The following SMARCC1 variants were observed in gnomAD, a reference collection of about 807,000 sequenced individuals.
The protein encoded by SMARCC1 is SWI/SNF related BAF chromatin remodeling complex subunit C1.
A neutral mutation model predicts 147.4 loss-of-function variants in SMARCC1; 43 were observed. That is an observed-to-expected ratio of 0.29 (90% confidence interval 0.23 to 0.38). The LOEUF (loss-of-function observed/expected upper bound fraction) is 0.38, where lower values mean the gene tolerates loss of function less well. SMARCC1 is among the 10% of genes least tolerant of loss of function. SMARCC1 has a pLI of 1.00. For synonymous variants in SMARCC1, 495 were observed against 484.4 expected (o/e 1.02, Z -0.29); for missense variants, 1,119 against 1,381.1 (o/e 0.81, Z 3.01).
chr3:47,768,962 C>T (rs2034874318), intron 2 of SMARCC1, among the ~76,000 whole-genome samples: 1 of 152,074 alleles, frequency 6.6e-6, no homozygotes, highest in Admixed American at 6.6e-5. Flanking sequence ...GTAATCCCAG[C>T]ACTTTGGGAG....
intron 25 of SMARCC1, among the ~76,000 whole-genome samples, chr3:47,613,624 T>A (rs1028081534): frequency 6.6e-6 from 1 of 152,160 alleles, no homozygotes; most frequent in Non-Finnish European, 1.5e-5. Flanking sequence ...CCTCCTAAAG[T>A]GCACAGGCAT....
At chr3:47,682,550 C>A (rs374476626) in intron 14 of SMARCC1, among the ~76,000 whole-genome samples, 1 of 152,148 alleles carries the variant, frequency 6.6e-6, no homozygotes, top group African/African-American at 2.4e-5. Context: ...AGCCATAGCA[C>A]CAGCCCCCTT....
At chr3:47,780,785 C>A (rs533652328) in intron 1 of SMARCC1, among the ~76,000 whole-genome samples, 13 of 152,042 alleles carry the variant, frequency 8.6e-5, no homozygotes, top group African/African-American at 3.1e-4. Flanking sequence ...CTTCATTACA[C>A]CCTTTAAGGG....
chr3:47,678,736 C>T (rs1368560884), intron 15 of SMARCC1, among the ~76,000 whole-genome samples: 1 of 152,180 alleles, frequency 6.6e-6, no homozygotes, highest in Non-Finnish European at 1.5e-5. Flanking sequence ...GTAGGGTCTG[C>T]TATCATCCCA....
chr3:47,672,071 A>G (rs1466342865), intron 18 of SMARCC1, among the ~76,000 whole-genome samples: 1 of 152,278 alleles, frequency 6.6e-6, no homozygotes, highest in African/African-American at 2.4e-5. Context: ...TGCATCAAAA[A>G]TAAGTAGTCT....
At chr3:47,758,763 G>A (rs974673549) in intron 2 of SMARCC1, among the ~76,000 whole-genome samples, 47 of 151,994 alleles carry the variant, frequency 3.1e-4, no homozygotes, top group Admixed American at 1.1e-3. Flanking sequence ...GGCCGGGCGC[G>A]GTGGCTCAGG....
At chr3:47,693,814 C>G (rs1403571577) in intron 11 of SMARCC1, among the ~76,000 whole-genome samples, 1 of 152,116 alleles carries the variant, frequency 6.6e-6, no homozygotes, top group Non-Finnish European at 1.5e-5. Flanking sequence ...GGGCGCATGC[C>G]ACCACACCTA....
At chr3:47,673,961 C>T (rs2033537623) in intron 18 of SMARCC1, among the ~76,000 whole-genome samples, 1 of 152,108 alleles carries the variant, frequency 6.6e-6, no homozygotes, top group African/African-American at 2.4e-5. Flanking sequence ...CAGAAGATGT[C>T]TTTTATACTG....
At chr3:47,778,613 G>C (rs948558853) in intron 1 of SMARCC1, among the ~76,000 whole-genome samples, 2 of 151,958 alleles carry the variant, frequency 1.3e-5, no homozygotes, top group African/African-American at 4.8e-5. Context: ...CACTGCACCT[G>C]GCCCAATTAA....
chr3:47,602,224 C>T (rs528055723), intron 26 of SMARCC1, among the ~76,000 whole-genome samples: 1 of 152,154 alleles, frequency 6.6e-6, no homozygotes, highest in East Asian at 1.9e-4. Context: ...CCCAGGAATT[C>T]GAGGCTGCAG....
At chr3:47,588,858 G>C (rs973735630) in intron 27 of SMARCC1, among the ~76,000 whole-genome samples, 7 of 152,084 alleles carry the variant, frequency 4.6e-5, no homozygotes, top group Admixed American at 4.6e-4. Flanking sequence ...CACAGCTCCT[G>C]AACTGCAGTC....
chr3:47,635,544 C>G (rs1287988573), intron 23 of SMARCC1, among the ~76,000 whole-genome samples, 200 bp from the exon 24 acceptor site: 2 of 152,150 alleles, frequency 1.3e-5, no homozygotes, highest in Non-Finnish European at 2.9e-5. Flanking sequence ...AAACAGCACA[C>G]TTGTTTTCCT....
chr3:47,601,670 T>A (rs1158076799), intron 26 of SMARCC1: 1 of 152,086 alleles, frequency 6.6e-6, no homozygotes, highest in Admixed American at 6.6e-5. Flanking sequence ...AAATCTTGGC[T>A]GATGTGATGG....
intron 12 of SMARCC1, among the ~76,000 whole-genome samples, chr3:47,689,668 C>T (rs947356475): frequency 6.6e-5 from 10 of 152,144 alleles, no homozygotes; most frequent in African/African-American, 2.4e-4. Flanking sequence ...CAATTAATTA[C>T]TACTTGAGCT....
chr3:47,675,683 C>G (rs2033561273), intron 17 of SMARCC1, 95 bp from the exon 18 acceptor site: 1 of 654,808 alleles, frequency 1.5e-6, no homozygotes, highest in Non-Finnish European at 2.7e-6. Flanking sequence ...CGCCGTGGCT[C>G]ACACCTATAA....
intron 14 of SMARCC1, among the ~76,000 whole-genome samples, chr3:47,681,607 T>C (rs891623061): frequency 6.6e-6 from 1 of 152,162 alleles, no homozygotes; most frequent in African/African-American, 2.4e-5. Flanking sequence ...ACATGTTAAG[T>C]AGTGGTTGCA....
At chr3:47,603,850 G>C (rs770348613) in intron 26 of SMARCC1, 2 of 353,114 alleles carry the variant, frequency 5.7e-6, no homozygotes, top group Middle Eastern at 5.6e-4. Flanking sequence ...GATACTTCCC[G>C]TGTCTTTTTG....
intron 19 of SMARCC1, among the ~76,000 whole-genome samples, chr3:47,666,219 C>T (rs1460451291): frequency 6.6e-6 from 1 of 152,132 alleles, no homozygotes; most frequent in African/African-American, 2.4e-5. Flanking sequence ...CTGGAAACAT[C>T]ATGTTTTAGG....
chr3:47,675,171 T>C (rs1340795241), intron 18 of SMARCC1, among the ~76,000 whole-genome samples: 1 of 152,242 alleles, frequency 6.6e-6, no homozygotes, highest in African/African-American at 2.4e-5. Context: ...ACCTGTCTTC[T>C]GCTGTATGCA....
Sources: gnomAD v4.1 joint callset for allele counts (sites outside exome capture counted in the v4.1 genomes callset) on GRCh38, gnomAD v4.1.1 for gene constraint, MANE v1.5 for transcripts, NCBI Gene and HGNC (gene_info 2026-07-23, HGNC 2026-07-21) for gene names.